ESR1: variants seen among roughly 807,000 people sequenced by gnomAD.
ESR1 encodes estrogen receptor.
Under a neutral mutation model 52.7 loss-of-function variants are expected in ESR1, and 12 were observed. That is an observed-to-expected ratio of 0.23 (90% CI 0.15 to 0.37). ESR1 has a LOEUF of 0.37. Among genes scored for constraint, ESR1 ranks in the 10% least tolerant of loss-of-function variants. The probability of loss-of-function intolerance (pLI) is 1.00; values close to 1 mark genes in which losing one functional copy is unlikely to be tolerated. For missense variants in ESR1, 584 were observed against 779.7 expected (o/e 0.75, Z 2.99); for synonymous variants, 305 against 316.8 (o/e 0.96, Z 0.39).
chr6:152,096,416 G>T (rs145320485), intron 7 of ESR1, among the ~76,000 whole-genome samples: 2 of 152,132 alleles, frequency 1.3e-5, no homozygotes, highest in African/African-American at 4.8e-5. Context: ...CACCCTTTCC[G>T]GAGACAACCT....
chr6:152,035,169 C>A (rs2045175682), intron 5 of ESR1, among the ~76,000 whole-genome samples: 1 of 152,022 alleles, frequency 6.6e-6, no homozygotes, highest in South Asian at 2.1e-4. Flanking sequence ...ATAAGAACTT[C>A]CTTTGTTATT....
chr6:151,909,935 C>T lies in ESR1; in HGVS notation c.760+29164C>T, dbSNP rs574405389. On this transcript the variant is annotated intron_variant, in intron 3 of 7. Transcript: ENST00000206249. ...AGGGACTGAACTGTAGGTGGGGGGC[C>T]CCAACAAATCTAATCATAAGAATCT... Among the ~76,000 whole-genome samples, 292 of 152,020 alleles carry T rather than the reference C, an allele frequency of 1.9e-3. 2 individuals are homozygous for T. Among genetic ancestry groups the T allele is most frequent in the African/African-American group, 6.6e-3 (273 of 41,458 alleles).
At chr6:151,695,909 A>G (rs1397544573) in intron 1 of ESR1, among the ~76,000 whole-genome samples, 1 of 152,212 alleles carries the variant, frequency 6.6e-6, no homozygotes. Context: ...TTTCTTTCTA[A>G]TAAGCAATTT....
At chr6:151,879,809 A>T (rs571597268) in intron 2 of ESR1, among the ~76,000 whole-genome samples, 60 of 152,270 alleles carry the variant, frequency 3.9e-4, no homozygotes, top group African/African-American at 1.4e-3. Flanking sequence ...GTAGTCAGTC[A>T]TGGACTAATT....
chr6:151,808,497 G>A (rs1456481497), intron 1 of ESR1, 133 bp downstream of exon 1: 11 of 735,744 alleles, frequency 1.5e-5, no homozygotes, highest in Non-Finnish European at 2.1e-5. Context: ...CGCGCAGGGA[G>A]CCCGGGGCGC....
intron 1 of ESR1, among the ~76,000 whole-genome samples, chr6:151,674,636 C>G (rs1490861869): frequency 6.6e-6 from 1 of 152,216 alleles, no homozygotes; most frequent in Non-Finnish European, 1.5e-5. Flanking sequence ...CTAATTTACA[C>G]TCCCACCAAC....
At chr6:151,726,930 A>C (rs190990321) in intron 2 of ESR1, among the ~76,000 whole-genome samples, 5 of 151,942 alleles carry the variant, frequency 3.3e-5, no homozygotes, top group Admixed American at 3.3e-4. Flanking sequence ...TTCTTTTCTC[A>C]CTCCTGATCG....
chr6:151,854,719 G>A (rs146091030), intron 2 of ESR1, among the ~76,000 whole-genome samples: 9 of 152,204 alleles, frequency 5.9e-5, no homozygotes, highest in African/African-American at 1.7e-4. Context: ...TTATAAATAT[G>A]AACTTTTGTA....
chr6:151,913,146 T>C (rs905014534), intron 3 of ESR1, among the ~76,000 whole-genome samples: 2 of 152,170 alleles, frequency 1.3e-5, no homozygotes, highest in Non-Finnish European at 2.9e-5. Context: ...GTAGCCATTT[T>C]ACCAGTTGAG....
At chr6:151,711,224 CTTT>C (rs772347500) in intron 2 of ESR1, among the ~76,000 whole-genome samples, 1 of 142,346 alleles carries the variant, frequency 7.0e-6, no homozygotes. Flanking sequence ...TGTTTCCTGA[CTTT>C]TTTTTTTTTT....
chr6:151,666,576 C>G (rs188227812), intron 1 of ESR1, among the ~76,000 whole-genome samples: 1 of 152,152 alleles, frequency 6.6e-6, no homozygotes, highest in South Asian at 2.1e-4. Flanking sequence ...TCTGTTCCTT[C>G]AAAGTACTGG....
At position 151,703,819 on chromosome 6, in the gene ESR1, T is replaced by G. The variant is rs1779977815; in HGVS notation, c.-71+1814T>G. Among the ~76,000 whole-genome samples, 5 of 152,306 alleles carry G rather than the reference T, an allele frequency of 3.3e-5. No homozygotes were observed. In the South Asian group the frequency reaches 1.0e-3, roughly 32 times the overall value. On this transcript the variant is annotated intron_variant, in intron 2 of 2. Coordinates refer to the ESR1 transcript ENST00000404742. ...AGTCCCTGAGTAGTCTTGCATTGCT[T>G]TCCCCACTTTGAAGTCTTAGATCCA...
At position 151,854,398 on chromosome 6, in the gene ESR1, T is replaced by C. The variant is rs552574980; in HGVS notation, c.643+11611T>C. Among the ~76,000 whole-genome samples the C allele has an allele frequency of 3.6e-3, 549 of 152,304 alleles. 1 individual carries two copies. The highest frequency in any genetic ancestry group is 5.6e-3 in the Non-Finnish European group (381 of 68,024). On this transcript the variant is annotated intron_variant, in intron 2 of 7. Coordinates refer to ENST00000206249, the MANE Select transcript of ESR1 (RefSeq NM_000125.4). ...GAAAAGAACATAGTGGGGAAAGCAC[T>C]CCTATTATTTTCCTCATATTTCCAT...
exon 7 of ESR1, chr6:152,125,395 C>T (rs574717446): frequency 2.6e-5 from 40 of 1,526,246 alleles, no homozygotes; most frequent in Admixed American, 2.2e-4. Context: ...TCATCAAATC[C>T]GTGTGTGGAC....
chr6:151,741,419 T>A (rs1268984163), intron 2 of ESR1, among the ~76,000 whole-genome samples: 1 of 152,174 alleles, frequency 6.6e-6, no homozygotes, highest in African/African-American at 2.4e-5. Flanking sequence ...AGTATGAGTA[T>A]TTTTTGAGCC....
At chr6:152,093,955 G>A (rs978042683) in intron 6 of ESR1, among the ~76,000 whole-genome samples, 7 of 152,076 alleles carry the variant, frequency 4.6e-5, no homozygotes, top group African/African-American at 1.4e-4. Context: ...CCTACTATCC[G>A]AGTTCCCTAG....
At chr6:151,686,328 G>C (rs1221375990), upstream of ESR1, among the ~76,000 whole-genome samples, 1 of 151,918 alleles carries the variant, frequency 6.6e-6, no homozygotes, top group Non-Finnish European at 1.5e-5. Flanking sequence ...CTCCGTTGTC[G>C]AACACTCTAG....
intron 2 of ESR1, among the ~76,000 whole-genome samples, chr6:151,702,200 A>G (rs987356161): frequency 6.6e-6 from 1 of 152,234 alleles, no homozygotes; most frequent in Non-Finnish European, 1.5e-5. Context: ...GGTTGAAATT[A>G]AGGATACAAT....
intron 6 of ESR1, among the ~76,000 whole-genome samples, chr6:152,088,370 A>G (rs9341037): frequency 6.6e-5 from 10 of 152,176 alleles, no homozygotes; most frequent in Admixed American, 5.2e-4. Flanking sequence ...CTATTTGTGT[A>G]TGATAAAAGG....
Sources: gnomAD v4.1 joint callset for allele counts (sites outside exome capture counted in the v4.1 genomes callset) on GRCh38, gnomAD v4.1.1 for gene constraint, MANE v1.5 for transcripts, NCBI Gene and HGNC (gene_info 2026-07-23, HGNC 2026-07-21) for gene names.